KCNIP4: variants seen among roughly 807,000 people sequenced by gnomAD.
The protein encoded by KCNIP4 is Kv channel-interacting protein 4.
Under a neutral mutation model 34.0 loss-of-function variants are expected in KCNIP4, and 12 were observed. The observed-to-expected ratio is 0.35, with a 90% CI of 0.23 to 0.57. The LOEUF is 0.57. Ranked by LOEUF, KCNIP4 falls within the 20% of genes least tolerant of loss-of-function variation. The probability of loss-of-function intolerance (pLI) is 0.83; values close to 1 mark genes in which losing one functional copy is unlikely to be tolerated. For synonymous variants in KCNIP4, 124 were observed against 102.2 expected, an observed-to-expected ratio of 1.21 and a Z score of -1.29; for missense variants, 238 against 311.7, an observed-to-expected ratio of 0.76 and a Z score of 1.78.
At chr4:21,737,150 T>C (rs1716047536) in intron 1 of KCNIP4, among the ~76,000 whole-genome samples, 1 of 152,196 alleles carries the variant, frequency 6.6e-6, no homozygotes, top group South Asian at 2.1e-4. Context: ...ACGCCTAAGG[T>C]CTTCTCACCC....
At chr4:21,791,819 T>C (rs1395549563) in intron 1 of KCNIP4, among the ~76,000 whole-genome samples, 1 of 151,906 alleles carries the variant, frequency 6.6e-6, no homozygotes, top group Non-Finnish European at 1.5e-5. Flanking sequence ...CTGGCCAACA[T>C]GGTGAAACCC....
chr4:21,123,499 T>C (rs1460969588), intron 1 of KCNIP4, among the ~76,000 whole-genome samples: 2 of 152,238 alleles, frequency 1.3e-5, no homozygotes, highest in Non-Finnish European at 2.9e-5. Flanking sequence ...TGTTAAAGAC[T>C]GTAAAGAACT....
intron 1 of KCNIP4, among the ~76,000 whole-genome samples, chr4:21,233,403 C>A (rs1347563328): frequency 6.6e-6 from 1 of 151,844 alleles, no homozygotes; most frequent in Non-Finnish European, 1.5e-5. Flanking sequence ...AATGTAAATA[C>A]AAGAAAGAAG....
intron 1 of KCNIP4, among the ~76,000 whole-genome samples, chr4:21,192,952 C>T (rs6852130): frequency 4.2e-4 from 61 of 145,118 alleles, no homozygotes; most frequent in Non-Finnish European, 8.6e-4. Flanking sequence ...ACTACTACTA[C>T]TAATAATAAT....
At chr4:21,437,163 T>C (rs11730849) in intron 1 of KCNIP4, among the ~76,000 whole-genome samples, 13,250 of 152,220 alleles carry the variant, frequency 0.087, 626 homozygotes, top group East Asian at 0.18. Context: ...CAATGCTGTC[T>C]TCTGGTGTGG....
chr4:20,784,008 G>A (rs561853004), intron 3 of KCNIP4, among the ~76,000 whole-genome samples: 35 of 152,234 alleles, frequency 2.3e-4, no homozygotes, highest in Middle Eastern at 3.4e-3. Flanking sequence ...TTTGGTTCCT[G>A]TCAGGGTATT....
chr4:21,844,390 A>C (rs1374326290), intron 1 of KCNIP4: 1 of 152,074 alleles, frequency 6.6e-6, no homozygotes, highest in African/African-American at 2.4e-5. Flanking sequence ...CGTAGAGATA[A>C]GAAAAAAAGC....
intron 1 of KCNIP4, among the ~76,000 whole-genome samples, chr4:20,943,316 T>C (rs995478913): frequency 6.6e-6 from 1 of 152,202 alleles, no homozygotes; most frequent in African/African-American, 2.4e-5. Flanking sequence ...GCAGTGTGCA[T>C]GCCAACCAGT....
intron 1 of KCNIP4, among the ~76,000 whole-genome samples, chr4:21,696,304 T>G (rs1712307755): frequency 6.6e-6 from 1 of 151,844 alleles, no homozygotes; most frequent in Non-Finnish European, 1.5e-5. Context: ...GTTGCTCAAA[T>G]TCATCTCTCA....
chr4:21,449,282 A>G (rs1728307139), intron 1 of KCNIP4, among the ~76,000 whole-genome samples: 1 of 152,188 alleles, frequency 6.6e-6, no homozygotes, highest in Admixed American at 6.5e-5. Flanking sequence ...TATAACCATT[A>G]TCTTATGCCT....
At chr4:21,397,755 T>G (rs998863117) in intron 1 of KCNIP4, among the ~76,000 whole-genome samples, 2 of 152,208 alleles carry the variant, frequency 1.3e-5, no homozygotes, top group African/African-American at 4.8e-5. Context: ...ACTCTTGCTA[T>G]GAAAGAATGG....
At chr4:21,752,958 A>G (rs570112984) in intron 1 of KCNIP4, among the ~76,000 whole-genome samples, 1 of 152,278 alleles carries the variant, frequency 6.6e-6, no homozygotes, top group East Asian at 1.9e-4. Context: ...TGAATACTTT[A>G]TTGACCATAA....
At chr4:21,023,653 T>C in intron 1 of KCNIP4, among the ~76,000 whole-genome samples, 1 of 152,092 alleles carries the variant, frequency 6.6e-6, no homozygotes. Context: ...CCTGTGATCC[T>C]AGTGCTTTGG....
intron 1 of KCNIP4, among the ~76,000 whole-genome samples, chr4:21,601,611 G>T (rs539668824): frequency 1.3e-5 from 2 of 152,096 alleles, no homozygotes; most frequent in Admixed American, 6.6e-5. Context: ...GCTTCCTGCT[G>T]CACTGGATGG....
rs1034190753 is a variant in KCNIP4, at chr4:21,374,384, C to G, written c.62-491675G>C. ...GAGAGCCAAGAAAAAGGGGTTTCCC[C>G]TTATAAAACCATCAGATCTAGTGAG... is the stretch of plus-strand genomic sequence containing the variant. On this transcript the variant is annotated intron_variant, in intron 1 of 8. Coordinates refer to ENST00000382152, the MANE Select transcript of KCNIP4 (RefSeq NM_025221.6). 2.5e-4 allele frequency among the ~76,000 whole-genome samples: 36 copies of G among 146,780 alleles called. 7 individuals carry two copies. Among genetic ancestry groups the G allele is most frequent in the African/African-American group, 9.6e-4 (35 of 36,544 alleles).
chr4:21,556,569 T>C (rs1165120010), intron 1 of KCNIP4, among the ~76,000 whole-genome samples: 1 of 152,102 alleles, frequency 6.6e-6, no homozygotes, highest in African/African-American at 2.4e-5. Context: ...CTAGTTACCT[T>C]GAAATAACTC....
At chr4:21,441,678 C>T (rs1577364946) in intron 1 of KCNIP4, among the ~76,000 whole-genome samples, 1 of 152,278 alleles carries the variant, frequency 6.6e-6, no homozygotes, top group South Asian at 2.1e-4. Context: ...AACCACTCAT[C>T]CTCCTACGAT....
intron 1 of KCNIP4, among the ~76,000 whole-genome samples, chr4:21,545,031 T>G (rs1738019725): frequency 6.6e-6 from 1 of 152,054 alleles, no homozygotes; most frequent in Non-Finnish European, 1.5e-5. Context: ...AGTCACAGGA[T>G]GAAATAGGAG....
intron 1 of KCNIP4, among the ~76,000 whole-genome samples, chr4:21,221,289 A>G (rs13136746): frequency 0.22 from 33,688 of 152,138 alleles, 4,241 homozygotes; most frequent in South Asian, 0.44. Context: ...TGTAGCAGGG[A>G]GGAATGAAGT....
Sources: gnomAD v4.1 joint callset for allele counts (sites outside exome capture counted in the v4.1 genomes callset) on GRCh38, gnomAD v4.1.1 for gene constraint, MANE v1.5 for transcripts, NCBI Gene and HGNC (gene_info 2026-07-23, HGNC 2026-07-21) for gene names.